The following CASZ1 variants were observed in gnomAD, a reference collection of about 807,000 sequenced individuals.
CASZ1 encodes the protein zinc finger protein castor homolog 1.
Under a neutral mutation model 135.2 loss-of-function variants are expected in CASZ1, and 28 were observed. The observed-to-expected ratio is 0.21, with a 90% CI of 0.15 to 0.28. The LOEUF is 0.28. Among genes scored for constraint, CASZ1 ranks in the 10% least tolerant of loss-of-function variants. The pLI, the probability that CASZ1 is intolerant of heterozygous loss-of-function variation, is 1.00. For missense variants in CASZ1, 2,161 were observed against 2,453.3 expected (o/e 0.88, Z 2.52); for synonymous variants, 1,068 against 1,073.4 (o/e 0.99, Z 0.10).
rs551660908 is a variant in CASZ1, at chr1:10,646,523, T to C, written c.3498-197A>G. On this transcript the variant is annotated intron_variant, in intron 16 of 20. Coordinates refer to ENST00000377022, the MANE Select transcript of CASZ1 (RefSeq NM_001079843.3). The surrounding 1 kb of genome is among the most constrained non-coding windows in gnomAD (Gnocchi z 6.4). ...CCCAGCATGCATTCCTGCCTCCTTT[T>C]AGGAGCTCTGCATGGTGCACAGGGA... 3.3e-5 allele frequency among the ~76,000 whole-genome samples: 5 copies of C among 152,292 alleles called. No individual in the cohort carries two copies. Among genetic ancestry groups the C allele is most frequent in the African/African-American group, 1.2e-4 (5 of 41,570 alleles).
chr1:10,641,150 C>G (rs567267952), intron 20 of CASZ1, among the ~76,000 whole-genome samples: 3 of 152,354 alleles, frequency 2.0e-5, no homozygotes, highest in Non-Finnish European at 2.9e-5. Context: ...ATAGGCCACC[C>G]GGAGTGGACA....
chr1:10,785,135 T>TCTTTCCTTCCTTCCTTCCTCCCTC (rs1553143550), intron 1 of CASZ1, among the ~76,000 whole-genome samples: 1 of 133,872 alleles, frequency 7.5e-6, no homozygotes, highest in African/African-American at 2.9e-5. Flanking sequence ...CTTTCTTCCT[T>TCTTTCCTTCCTTCCTTCCTCCCTC]CCTTCCTCCC....
rs1057145010 is a variant in CASZ1 at position 10,694,665 on chromosome 1, T to C, written c.-23-753A>G. Among the ~76,000 whole-genome samples the C allele has an allele frequency of 2.9e-5, 4 of 139,504 alleles. No homozygotes were observed. Among genetic ancestry groups the C allele is most frequent in the Non-Finnish European group, 6.3e-5 (4 of 63,410 alleles). 91.5% of individuals were successfully genotyped at this position (139,504 alleles called of 152,430 possible). A position where few individuals can be genotyped will look rare whatever the true frequency, so the allele number is the denominator to read the frequency against. Reference sequence around the variant, plus strand: ...GCCCGCCGCCCGGTGCCGGAGTGAATGGGCTCGCGCTCGCTCGCGCCCCCG... The same window carrying C: ...GCCCGCCGCCCGGTGCCGGAGTGAACGGGCTCGCGCTCGCTCGCGCCCCCG... On this transcript the variant is annotated intron_variant, in intron 3 of 20. Coordinates refer to ENST00000377022, the MANE Select transcript of CASZ1 (RefSeq NM_001079843.3). The surrounding 1 kb of genome is among the most constrained non-coding windows in gnomAD (Gnocchi z 6.6).
Position 10,639,677 on chromosome 1 carries a change from G to A in CASZ1, c.4545C>T (p.Phe1515=). Residue 1515 remains phenylalanine, a synonymous_variant, in exon 21 of 21, where the codon TTC becomes TTT. Coordinates refer to ENST00000377022, the MANE Select transcript of CASZ1 (RefSeq NM_001079843.3). This position sits in a 1 kb window ranked among gnomAD's most constrained non-coding sequence, Gnocchi z 4.0. The stretch of plus-strand genomic sequence containing the variant: ...AGCGGAAGCGGCAGCGCAGGCAGTG[G>A]AAGTGCGTGCTGGTGCCCGAGAAGG... ...DCPFSGTSTH[F]HCLRCRFRCT... is the part of the protein sequence containing the mutation. The A allele has an allele frequency of 1.2e-6, 2 of 1,600,030 alleles. No homozygotes were observed. The highest frequency in any genetic ancestry group is 1.1e-5 in the South Asian group (1 of 89,278).
chr1:10,705,585 C>G (rs1334059811), intron 2 of CASZ1, 41 bp from the exon 3 acceptor site: 1 of 152,350 alleles, frequency 6.6e-6, no homozygotes, highest in African/African-American at 2.4e-5. Flanking sequence ...CTTTTCCAAG[C>G]CCATGACTCC....
intron 4 of CASZ1, among the ~76,000 whole-genome samples, chr1:10,681,051 C>CCA (rs372465707): frequency 0.027 from 4,102 of 152,238 alleles, 93 homozygotes; most frequent in African/African-American, 0.062. Context: ...CAGGCGCCTG[C>CCA]CACCACACTT....
At chr1:10,687,764 G>A (rs897865721) in intron 4 of CASZ1, among the ~76,000 whole-genome samples, 2 of 152,174 alleles carry the variant, frequency 1.3e-5, no homozygotes, top group South Asian at 2.1e-4. Flanking sequence ...GCAGACTGAC[G>A]TCCCAGTCCC....
Position 10,638,391 on chromosome 1 carries a change from G to A in CASZ1, c.*551C>T, listed in dbSNP as rs1642065833. Reference sequence around the variant, plus strand: ...CGGGCCCTGGGGTGGGGCTGAGCTGGAGCTCCGCGGCTGCTACTCCCGTGA... The same window carrying A: ...CGGGCCCTGGGGTGGGGCTGAGCTGAAGCTCCGCGGCTGCTACTCCCGTGA... On this transcript the variant is annotated 3_prime_UTR_variant, in exon 21 of 21. Coordinates refer to ENST00000377022, the MANE Select transcript of CASZ1 (RefSeq NM_001079843.3). This position sits in a 1 kb window ranked among gnomAD's most constrained non-coding sequence, Gnocchi z 5.9. The A allele has an allele frequency of 6.6e-6, 1 of 152,206 alleles. No homozygotes were observed. Among genetic ancestry groups the A allele is most frequent in the Non-Finnish European group, 1.5e-5 (1 of 68,086 alleles). The allele number at this position is 152,206 out of a possible 1,614,324, so 9.4% of individuals were successfully genotyped here. A position where few individuals can be genotyped will look rare whatever the true frequency, so the allele number is the denominator to read the frequency against.
chr1:10,663,578 T>C (rs1034910191), intron 5 of CASZ1, among the ~76,000 whole-genome samples: 35 of 152,256 alleles, frequency 2.3e-4, no homozygotes, highest in African/African-American at 7.2e-4. Flanking sequence ...GCCCTCGCTA[T>C]ATATGGCAGA....
intron 1 of CASZ1, among the ~76,000 whole-genome samples, chr1:10,795,548 C>A (rs1192853469): frequency 3.3e-5 from 5 of 152,200 alleles, no homozygotes; most frequent in Non-Finnish European, 7.3e-5. Context: ...CGTCCCACGT[C>A]CCCGGGCGCA....
intron 18 of CASZ1, among the ~76,000 whole-genome samples, chr1:10,643,571 C>T (rs729104): frequency 0.11 from 16,185 of 152,288 alleles, 1,295 homozygotes; most frequent in African/African-American, 0.21. Context: ...CATCCCCTGG[C>T]TCACACACAG....
chr1:10,692,471 C>A (rs1013175101), intron 4 of CASZ1, among the ~76,000 whole-genome samples: 6 of 147,436 alleles, frequency 4.1e-5, no homozygotes, highest in African/African-American at 1.6e-4. Context: ...GAGGTGGGGG[C>A]AGGCAGGTTC....
At chr1:10,672,408 G>A (rs1461400620) in intron 4 of CASZ1, among the ~76,000 whole-genome samples, 1 of 151,716 alleles carries the variant, frequency 6.6e-6, no homozygotes, top group African/African-American at 2.4e-5. Flanking sequence ...CGAAAGCCTC[G>A]CTTAATTATG....
At chr1:10,742,411 T>C (rs11121609) in intron 2 of CASZ1, among the ~76,000 whole-genome samples, 70,478 of 152,052 alleles carry the variant, frequency 0.46, 17,441 homozygotes, top group Non-Finnish European at 0.56. Flanking sequence ...ACGCGGGGCT[T>C]GGTGTGTAGC....
chr1:10,787,513 G>A (rs1329901752), intron 1 of CASZ1, among the ~76,000 whole-genome samples: 5 of 152,248 alleles, frequency 3.3e-5, no homozygotes, highest in South Asian at 2.1e-4. Context: ...CCCCGGGGGC[G>A]AGGGGGGCGG....
rs1193478106 is a variant in CASZ1, at chr1:10,724,878, TTCTC to T, written c.-76-19338_-76-19335del. Among the ~76,000 whole-genome samples the T allele has an allele frequency of 6.6e-6, 1 of 151,834 alleles. No homozygotes were observed. The highest frequency in any genetic ancestry group is 2.4e-5 in the African/African-American group (1 of 41,084). ...AAGAGAAGGTGCTCAACTTCTCTCT[TTCTC>T]CTCTTTCTCTGAAGTTTCCTTGTGG... On this transcript the variant is annotated intron_variant, in intron 2 of 20. Transcript: ENST00000377022. This position sits in a 1 kb window ranked among gnomAD's most constrained non-coding sequence, Gnocchi z 4.1.
chr1:10,792,964 A>T (rs2100638625), intron 1 of CASZ1, among the ~76,000 whole-genome samples: 1 of 152,288 alleles, frequency 6.6e-6, no homozygotes, highest in Non-Finnish European at 1.5e-5. Context: ...GATCTAAAAG[A>T]GGAGCAAATA....
rs1157251810 is a variant in CASZ1, at chr1:10,757,195, G to C, written c.-77+3506C>G. ...TGCATGAGACGTTAACCCTCTCAAA[G>C]CCATGGGTCTTTCTTGGTACTGCTG... On this transcript the variant is annotated intron_variant, in intron 2 of 20. Transcript: ENST00000377022. This position sits in a 1 kb window ranked among gnomAD's most constrained non-coding sequence, Gnocchi z 4.6. Among the ~76,000 whole-genome samples, 2 of 152,194 alleles carry C rather than the reference G, an allele frequency of 1.3e-5. No individual in the cohort carries two copies. Among genetic ancestry groups the C allele is most frequent in the Non-Finnish European group, 2.9e-5 (2 of 68,036 alleles).
In CASZ1 at chr1:10,735,593, C is replaced by T. The variant is rs561534113; in HGVS notation, c.-77+25108G>A. 4.6e-5 allele frequency among the ~76,000 whole-genome samples: 7 copies of T among 152,202 alleles called. No homozygotes were observed. Among genetic ancestry groups the T allele is most frequent in the Admixed American group, 2.0e-4 (3 of 15,282 alleles). ...GCTGGTGCCTCTTAGCCAAGTGCCA[C>T]GGACAGAAGTTTTGCCTTTACCCAT... On this transcript the variant is annotated intron_variant, in intron 2 of 20. Transcript: ENST00000377022. This position sits in a 1 kb window ranked among gnomAD's most constrained non-coding sequence, Gnocchi z 5.1.
Sources: gnomAD v4.1 joint callset for allele counts (sites outside exome capture counted in the v4.1 genomes callset) on GRCh38, gnomAD v4.1.1 for gene constraint, Gnocchi (gnomAD v3.1) non-coding constraint, MANE v1.5 for transcripts, NCBI Gene and HGNC (gene_info 2026-07-23, HGNC 2026-07-21) for gene names.